EEA1: variants seen among roughly 807,000 people sequenced by gnomAD.
EEA1 encodes the protein early endosome antigen 1, 162kD.
EEA1 carries 111 observed loss-of-function variants against 209.2 expected under a neutral mutation model. That is an observed-to-expected ratio of 0.53 (90% CI 0.45 to 0.62). EEA1 has a LOEUF of 0.62. Ranked by LOEUF, EEA1 falls within the 20% of genes least tolerant of loss-of-function variation. The probability of loss-of-function intolerance (pLI) is 0.00; values close to 1 mark genes in which losing one functional copy is unlikely to be tolerated. For synonymous variants in EEA1, 536 were observed against 540.6 expected (o/e 0.99, Z 0.12); for missense variants, 1,343 against 1,530.8 (o/e 0.88, Z 2.05).
At chr12:92,871,669 G>A (rs1422320884) in intron 2 of EEA1, among the ~76,000 whole-genome samples, 1 of 152,206 alleles carries the variant, frequency 6.6e-6, no homozygotes, top group Non-Finnish European at 1.5e-5. Flanking sequence ...AGTGGTAACT[G>A]TACAAAAGGT....
At chr12:92,839,329 A>AT (rs1224259157) in intron 10 of EEA1, among the ~76,000 whole-genome samples, 34 of 152,346 alleles carry the variant, frequency 2.2e-4, no homozygotes, top group Non-Finnish European at 4.7e-4. Flanking sequence ...CAAAAAGTCC[A>AT]CTGACTCGGT....
At chr12:92,787,743 A>G (rs538848638) in intron 22 of EEA1, 124 bp downstream of exon 22, 3 of 780,150 alleles carry the variant, frequency 3.8e-6, no homozygotes, top group South Asian at 4.6e-5. Flanking sequence ...TAACAATTTA[A>G]TAGAAAACAG....
At chr12:92,785,433 TTC>T (rs1318858794) in intron 22 of EEA1, among the ~76,000 whole-genome samples, 1 of 152,122 alleles carries the variant, frequency 6.6e-6, no homozygotes, top group Non-Finnish European at 1.5e-5. Context: ...ATCTCTCCTC[TTC>T]TCTCTCTTAT....
In EEA1 at chr12:92,808,947, T is replaced by A. The variant is rs74697370; in HGVS notation, c.2339+70A>T. 6,954 of 1,389,386 alleles carry A rather than the reference T, an allele frequency of 5.0e-3. 286 individuals are homozygous for A. In the African/African-American group the frequency reaches 0.085, roughly 17 times the overall value. The allele number at this position is 1,389,386 out of a possible 1,614,324, so 86.1% of individuals were successfully genotyped here. On this transcript the variant is annotated intron_variant, in intron 18 of 28. Transcript: ENST00000322349. ...AAGCACTACGATAGCAAAATTTAAA[T>A]CTGAAGGAAATTTTAATACTTAGTT...
intron 15 of EEA1, among the ~76,000 whole-genome samples, chr12:92,815,967 A>G (rs1159732533): frequency 6.6e-6 from 1 of 151,312 alleles, no homozygotes; most frequent in Non-Finnish European, 1.5e-5. Context: ...GGGAGAGGAG[A>G]AAGGAAGAGT....
At chr12:92,831,405 A>C (rs1003475666) in intron 11 of EEA1, among the ~76,000 whole-genome samples, 1 of 150,348 alleles carries the variant, frequency 6.7e-6, no homozygotes, top group East Asian at 1.9e-4. Context: ...TTTGCCTTTA[A>C]GCTAGATTTA....
chr12:92,804,331 G>T (rs573043753), intron 18 of EEA1, among the ~76,000 whole-genome samples: 1 of 152,244 alleles, frequency 6.6e-6, no homozygotes, highest in African/African-American at 2.4e-5. Flanking sequence ...CCAGCACTGT[G>T]GGAGGCCAAG....
At chr12:92,854,986 T>A (rs1333161580) in intron 5 of EEA1, among the ~76,000 whole-genome samples, 1 of 152,174 alleles carries the variant, frequency 6.6e-6, no homozygotes, top group South Asian at 2.1e-4. Flanking sequence ...GAAGAAAATC[T>A]CTCTTTGGCA....
intron 1 of EEA1, among the ~76,000 whole-genome samples, chr12:92,903,244 C>T (rs139417630): frequency 6.6e-6 from 1 of 151,798 alleles, no homozygotes; most frequent in East Asian, 2.0e-4. Context: ...GCCTGTTCAA[C>T]AGTCTTGACA....
At chr12:92,819,250 G>A (rs1389746431) in intron 14 of EEA1, 58 bp downstream of exon 14, 3 of 1,370,010 alleles carry the variant, frequency 2.2e-6, no homozygotes, top group Non-Finnish European at 3.0e-6. Flanking sequence ...AAAGCACTTA[G>A]TAAGACTTAG....
At chr12:92,878,575 C>T (rs1276556692) in intron 2 of EEA1, among the ~76,000 whole-genome samples, 1 of 152,100 alleles carries the variant, frequency 6.6e-6, no homozygotes, top group Admixed American at 6.6e-5. Context: ...AAGTCCTAAG[C>T]TTCCACCTTA....
In EEA1 at chr12:92,864,838, C is replaced by T. The variant is rs545739573; in HGVS notation, c.245+22G>A. On this transcript the variant is annotated intron_variant, in intron 3 of 28. Coordinates refer to ENST00000322349, the MANE Select transcript of EEA1 (RefSeq NM_003566.4). The stretch of plus-strand genomic sequence containing the variant: ...CACATGCATATTCCATAACATTATA[C>T]TTCAAAATTATCATACCGTACCGCT... 2.1e-5 allele frequency: 33 copies of T among 1,556,374 alleles called. No homozygotes were observed. The African/African-American group carries it at 4.0e-4, about 19-fold the overall frequency.
chr12:92,907,592 G>A (rs1224251968), intron 1 of EEA1, among the ~76,000 whole-genome samples: 5 of 152,044 alleles, frequency 3.3e-5, no homozygotes, highest in African/African-American at 9.7e-5. Flanking sequence ...TCACCTGGAC[G>A]ATAAAAGAGA....
intron 2 of EEA1, among the ~76,000 whole-genome samples, chr12:92,878,880 C>A (rs770390443): frequency 1.3e-4 from 20 of 152,112 alleles, no homozygotes; most frequent in Admixed American, 5.2e-4. Flanking sequence ...TCCTTAAAAA[C>A]ACAATTCACC....
chr12:92,885,515 C>T (rs543188392), intron 2 of EEA1, among the ~76,000 whole-genome samples: 1 of 152,252 alleles, frequency 6.6e-6, no homozygotes, highest in African/African-American at 2.4e-5. Flanking sequence ...CCTGAGAATC[C>T]ATAACCACTA....
Position 92,816,626 on chromosome 12 carries a change from TA to T in EEA1, c.1729-227del, listed in dbSNP as rs201054141. ...TATTACTTTTAAAATTATTGAGCTG[TA>T]AGTTATATAAAATTCATTCAATTTA... is the stretch of plus-strand genomic sequence containing the variant. On this transcript the variant is annotated intron_variant, in intron 14 of 28. Transcript: ENST00000322349. 5.8e-3 allele frequency among the ~76,000 whole-genome samples: 885 copies of T among 152,330 alleles called. 7 individuals are homozygous for T. The highest frequency in any genetic ancestry group is 0.02 in the African/African-American group (835 of 41,568).
At chr12:92,867,194 T>C (rs1353766642) in intron 2 of EEA1, among the ~76,000 whole-genome samples, 1 of 152,212 alleles carries the variant, frequency 6.6e-6, no homozygotes, top group Non-Finnish European at 1.5e-5. Flanking sequence ...TCCCTCACCA[T>C]ACTTCAACAA....
chr12:92,867,850 T>C (rs562272186), intron 2 of EEA1, among the ~76,000 whole-genome samples: 2 of 75,690 alleles, frequency 2.6e-5, no homozygotes, highest in South Asian at 6.1e-4. Context: ...TGCAGCTGCA[T>C]AGTGTATGTG....
chr12:92,794,102 C>T lies in EEA1; in HGVS notation c.2967+4790G>A, dbSNP rs182783373. On this transcript the variant is annotated intron_variant, in intron 21 of 28. Transcript: ENST00000322349. ...ACAGACACTTCTCAAAAGAAGACATCTATGCAGCCAACAGACACAGGAAAA... is the reference window on the plus strand; with the variant it reads ...ACAGACACTTCTCAAAAGAAGACATTTATGCAGCCAACAGACACAGGAAAA... Among the ~76,000 whole-genome samples, 5 of 152,238 alleles carry T rather than the reference C, an allele frequency of 3.3e-5. No homozygotes were observed. In the East Asian group the frequency reaches 9.7e-4, roughly 29 times the overall value.
Sources: allele counts gnomAD v4.1 joint callset (sites outside exome capture counted in the v4.1 genomes callset), GRCh38; gene constraint gnomAD v4.1.1; transcripts MANE v1.5; gene names NCBI Gene and HGNC (gene_info 2026-07-23, HGNC 2026-07-21).